Variants in NALCN observed in about 807,000 individuals in gnomAD.
NALCN encodes sodium leak channel NALCN.
In NALCN, 111 loss-of-function variants were observed where a neutral mutation model predicts 225.3. The ratio of observed to expected loss-of-function variants is 0.49; its 90% confidence interval spans 0.42 to 0.58. NALCN has a LOEUF of 0.58. NALCN is among the 20% of genes least tolerant of loss of function. The probability of loss-of-function intolerance (pLI) is 0.00; values close to 1 mark genes in which losing one functional copy is unlikely to be tolerated. For missense variants in NALCN, 1,378 were observed against 2,202.4 expected, an observed-to-expected ratio of 0.63 and a Z score of 7.49; for synonymous variants, 764 against 769.0, an observed-to-expected ratio of 0.99 and a Z score of 0.11.
intron 6 of NALCN, chr13:101,368,456 A>G (rs1286805674): frequency 1.3e-5 from 2 of 152,104 alleles, no homozygotes; most frequent in Non-Finnish European, 2.9e-5. Flanking sequence ...TAGTGCTGCA[A>G]TAAACATACG....
At chr13:101,179,532 T>C (rs963745869) in intron 14 of NALCN, among the ~76,000 whole-genome samples, 2 of 152,176 alleles carry the variant, frequency 1.3e-5, no homozygotes, top group Non-Finnish European at 2.9e-5. Flanking sequence ...CAAGCTCAGT[T>C]ACATTTGAAT....
At chr13:101,124,489 C>T (rs1594255895) in intron 18 of NALCN, 119 bp downstream of exon 18, 3 of 878,656 alleles carry the variant, frequency 3.4e-6, no homozygotes, top group South Asian at 1.7e-5. Context: ...CTCAAAGCTA[C>T]TTTCTGGCAG....
intron 22 of NALCN, among the ~76,000 whole-genome samples, chr13:101,106,439 C>T (rs1466924158): frequency 6.6e-6 from 1 of 152,204 alleles, no homozygotes; most frequent in Non-Finnish European, 1.5e-5. Flanking sequence ...GACACTCCAA[C>T]TACATAATGG....
rs1594762128 is a variant in NALCN at position 101,378,756 on chromosome 13, A to G, written c.292-103T>C. The stretch of plus-strand genomic sequence containing the variant: ...ATTATTTCAATAAAAGCTATCTACA[A>G]TTTTTGTATCATAATAGAACAGACT... On this transcript the variant is annotated intron_variant, in intron 3 of 43. Coordinates refer to ENST00000251127, the MANE Select transcript of NALCN (RefSeq NM_052867.4). The G allele has an allele frequency of 7.4e-6, 7 of 948,328 alleles. No individual in the cohort carries two copies. In the East Asian group the frequency reaches 1.8e-4, roughly 24 times the overall value. The allele number at this position is 948,328 out of a possible 1,614,324, so 58.7% of individuals were successfully genotyped here.
intron 15 of NALCN, among the ~76,000 whole-genome samples, chr13:101,145,525 T>G (rs1218077609): frequency 6.6e-6 from 1 of 152,214 alleles, no homozygotes; most frequent in Admixed American, 6.5e-5. Context: ...ATGGATTTAT[T>G]TAAGAGTGTA....
At chr13:101,389,954 T>TGC (rs1282675154) in intron 3 of NALCN, among the ~76,000 whole-genome samples, 1 of 152,078 alleles carries the variant, frequency 6.6e-6, no homozygotes, top group African/African-American at 2.4e-5. Context: ...TGGTGGTGCG[T>TGC]GCCTGTAATC....
intron 10 of NALCN, among the ~76,000 whole-genome samples, chr13:101,265,408 T>C (rs1379837009): frequency 6.6e-6 from 1 of 151,918 alleles, no homozygotes. Flanking sequence ...AGACAATGAG[T>C]CTGGAACAAT....
rs962030723 is a variant in NALCN at position 101,054,220 on chromosome 13, A to AAAAAC, written c.*1070_*1074dup. The AAAAAC allele has an allele frequency of 2.6e-5, 4 of 152,218 alleles. No homozygotes were observed. Among genetic ancestry groups the AAAAAC allele is most frequent in the African/African-American group, 7.2e-5 (3 of 41,442 alleles). The allele number at this position is 152,218 out of a possible 1,614,324, so 9.4% of individuals were successfully genotyped here. On this transcript the variant is annotated 3_prime_UTR_variant, in exon 44 of 44. Transcript: ENST00000251127. ...CATGGGCCATTGACATATAAGGAAA[A>AAAAAC]AAAACAAAAACAAAAAACGATTAAG...
intron 1 of NALCN, among the ~76,000 whole-genome samples, chr13:101,409,452 T>A (rs185897705): frequency 6.6e-6 from 1 of 152,128 alleles, no homozygotes; most frequent in Non-Finnish European, 1.5e-5. Flanking sequence ...AACTCCCCAT[T>A]TTCCCCTCCT....
chr13:101,068,987 C>G (rs1051877329), intron 37 of NALCN, among the ~76,000 whole-genome samples, 160 bp from the exon 38 acceptor site: 2 of 152,168 alleles, frequency 1.3e-5, no homozygotes, highest in African/African-American at 4.8e-5. Flanking sequence ...TCATCTGTAG[C>G]AGAAATAAAG....
At chr13:101,084,258 CAA>C (rs1215134151) in intron 30 of NALCN, among the ~76,000 whole-genome samples, 1 of 152,068 alleles carries the variant, frequency 6.6e-6, no homozygotes, top group Non-Finnish European at 1.5e-5. Flanking sequence ...TTGAGAGATA[CAA>C]AGTCATAGAG....
Position 101,065,562 on chromosome 13 carries a change from C to T in NALCN, c.4447-1G>A. Reference sequence around the variant, plus strand: ...TGACGCGGAACGTGGGGATCACCCCCTGCGGGGCAGAGCACAAGAAGTAGC... The same window carrying T: ...TGACGCGGAACGTGGGGATCACCCCTTGCGGGGCAGAGCACAAGAAGTAGC... On this transcript the variant is annotated splice_acceptor_variant, in intron 39 of 43. Transcript: ENST00000251127. LOFTEE classifies it high-confidence loss of function. 6.2e-7 allele frequency: 1 copy of T among 1,613,712 alleles called. No individual in the cohort carries two copies. The highest frequency in any genetic ancestry group is 8.5e-7 in the Non-Finnish European group (1 of 1,179,956).
intron 6 of NALCN, among the ~76,000 whole-genome samples, chr13:101,366,832 G>A (rs183891872): frequency 1.3e-5 from 2 of 151,942 alleles, no homozygotes; most frequent in East Asian, 3.9e-4. Flanking sequence ...CATTATTATT[G>A]ACCATTGTCA....
chr13:101,408,842 G>T (rs2047697859), intron 1 of NALCN, among the ~76,000 whole-genome samples: 1 of 152,150 alleles, frequency 6.6e-6, no homozygotes, highest in Non-Finnish European at 1.5e-5. Context: ...ACCCAAGGTG[G>T]TGACCACATA....
intron 7 of NALCN, among the ~76,000 whole-genome samples, chr13:101,322,288 A>C (rs1382363317): frequency 5.9e-5 from 9 of 152,228 alleles, no homozygotes; most frequent in African/African-American, 1.9e-4. Flanking sequence ...GACACAAAGT[A>C]CGTCAATGTG....
chr13:101,107,692 C>G lies in NALCN; in HGVS notation c.2456+6G>C, dbSNP rs772363976. The G allele has an allele frequency of 1.2e-5, 20 of 1,613,834 alleles. No homozygotes were observed. Among genetic ancestry groups the G allele is most frequent in the Non-Finnish European group, 1.6e-5 (19 of 1,179,938 alleles). ...GAGAGCCATGGGACACTGCAGCAAC[C>G]TGTACCTTTTCATCTCTGCTTGCTC... On this transcript the variant is annotated splice_donor_region_variant and intron_variant, in intron 21 of 43. Coordinates refer to ENST00000251127, the MANE Select transcript of NALCN (RefSeq NM_052867.4).
rs759523803 is a variant in NALCN, at chr13:101,360,189, C to CCTCTCTCTCT, written c.645-14779_645-14770dup. Among the ~76,000 whole-genome samples the CCTCTCTCTCT allele has an allele frequency of 8.2e-3, 734 of 89,252 alleles. 32 individuals carry two copies. Among genetic ancestry groups the CCTCTCTCTCT allele is most frequent in the East Asian group, 0.019 (49 of 2,530 alleles). The allele number at this position is 89,252 out of a possible 152,430, so 58.6% of individuals were successfully genotyped here. A position where few individuals can be genotyped will look rare whatever the true frequency, so the allele number is the denominator to read the frequency against. On this transcript the variant is annotated intron_variant, in intron 6 of 43. Coordinates refer to ENST00000251127, the MANE Select transcript of NALCN (RefSeq NM_052867.4). ...CTCTTTCTTCCTCTCTTCCTCTCTT[C>CCTCTCTCTCT]CTCTCTCTCTCTCTCTCTCTCTCTC...
At chr13:101,300,240 C>G (rs559199294) in intron 7 of NALCN, among the ~76,000 whole-genome samples, 10 of 152,228 alleles carry the variant, frequency 6.6e-5, no homozygotes, top group Admixed American at 3.9e-4. Context: ...ATGTTACCAT[C>G]CTAGTGAATA....
chr13:101,128,250 C>A (rs1248599840), intron 17 of NALCN, among the ~76,000 whole-genome samples: 1 of 152,132 alleles, frequency 6.6e-6, no homozygotes, highest in African/African-American at 2.4e-5. Context: ...AATTCTTTGA[C>A]AGAATTAATA....
Sources: gnomAD v4.1 joint callset for allele counts (sites outside exome capture counted in the v4.1 genomes callset) on GRCh38, gnomAD v4.1.1 for gene constraint, MANE v1.5 for transcripts, NCBI Gene and HGNC (gene_info 2026-07-23, HGNC 2026-07-21) for gene names.